Variants in WWOX observed in about 807,000 individuals in gnomAD.
WWOX encodes the protein WW domain containing oxidoreductase.
A neutral mutation model predicts 46.2 loss-of-function variants in WWOX; 69 were observed. The ratio of observed to expected loss-of-function variants is 1.49; its 90% CI spans 1.23 to 1.82. WWOX has a LOEUF of 1.82. Ranked by LOEUF, WWOX falls within the 40% of genes most tolerant of loss-of-function variation. WWOX has a pLI of 0.00. For missense variants in WWOX, 919 were observed against 542.6 expected (o/e 1.69, Z -6.89); for synonymous variants, 359 against 202.6 (o/e 1.77, Z -6.56).
chr16:78,672,690 A>G lies in WWOX; in HGVS notation c.1056+239938A>G, dbSNP rs181570476. On this transcript the variant is annotated intron_variant, in intron 8 of 8. Transcript: ENST00000566780. ...TAAAAGTGATCGGATGAAATTTTAA[A>G]AACGGGAATGACCAAAAAGATTCCC... Among the ~76,000 whole-genome samples, 8 of 152,348 alleles carry G rather than the reference A, an allele frequency of 5.3e-5. No homozygotes were observed. The East Asian group carries it at 1.3e-3, about 26-fold the overall frequency.
Position 79,021,705 on chromosome 16 carries a change from C to G in WWOX, c.1057-189903C>G, listed in dbSNP as rs117332610. ...GTGCATTGCCTAAATGACAGTAATG[C>G]TAAACTCCAGTCAGATGTTAGTGAA... On this transcript the variant is annotated intron_variant, in intron 8 of 8. Coordinates refer to ENST00000566780, the MANE Select transcript of WWOX (RefSeq NM_016373.4). Among the ~76,000 whole-genome samples, 27 of 152,294 alleles carry G rather than the reference C, an allele frequency of 1.8e-4. No homozygotes were observed. In the East Asian group the frequency reaches 3.7e-3, roughly 21 times the overall value.
chr16:78,408,544 T>C (rs2082601655), intron 6 of WWOX, among the ~76,000 whole-genome samples: 1 of 152,174 alleles, frequency 6.6e-6, no homozygotes, highest in Non-Finnish European at 1.5e-5. Flanking sequence ...CTAGCTGAGC[T>C]AAGGAGCAGA....
At chr16:78,452,240 A>T (rs2083707529) in intron 8 of WWOX, among the ~76,000 whole-genome samples, 1 of 152,206 alleles carries the variant, frequency 6.6e-6, no homozygotes, top group Admixed American at 6.5e-5. Context: ...GAGATTGCGT[A>T]ACACCCTTTG....
chr16:78,638,350 C>T (rs2046624290), intron 8 of WWOX, among the ~76,000 whole-genome samples: 2 of 152,122 alleles, frequency 1.3e-5, no homozygotes, highest in South Asian at 4.1e-4. Flanking sequence ...TATTCAGTTG[C>T]CCAGCTCTTT....
chr16:78,927,071 T>C (rs2045515181), intron 8 of WWOX, among the ~76,000 whole-genome samples: 1 of 152,194 alleles, frequency 6.6e-6, no homozygotes, highest in Non-Finnish European at 1.5e-5. Flanking sequence ...GCTGGAATTA[T>C]AGGCATGAGC....
intron 8 of WWOX, among the ~76,000 whole-genome samples, chr16:78,542,113 C>G (rs146396564): frequency 3.4e-5 from 5 of 145,830 alleles, no homozygotes; most frequent in Admixed American, 1.4e-4. Context: ...AGTAATACTT[C>G]TTGGAGAAAC....
At chr16:78,515,632 G>A (rs1045152320) in intron 8 of WWOX, among the ~76,000 whole-genome samples, 1 of 152,144 alleles carries the variant, frequency 6.6e-6, no homozygotes, top group Non-Finnish European at 1.5e-5. Context: ...AGGTGAGATG[G>A]AAAGCTTCCG....
chr16:78,729,524 A>G (rs952540916), intron 8 of WWOX, among the ~76,000 whole-genome samples: 1 of 152,028 alleles, frequency 6.6e-6, no homozygotes, highest in African/African-American at 2.4e-5. Flanking sequence ...TGCAAAGATA[A>G]AGGCAGAGGG....
At chr16:78,100,406 C>G (rs1424422752) in intron 1 of WWOX, among the ~76,000 whole-genome samples, 2 of 152,152 alleles carry the variant, frequency 1.3e-5, no homozygotes, top group Non-Finnish European at 2.9e-5. Context: ...GCGTGCACTA[C>G]TATGCCCGAC....
At chr16:78,581,798 C>T (rs867332355) in intron 8 of WWOX, among the ~76,000 whole-genome samples, 13 of 152,126 alleles carry the variant, frequency 8.5e-5, no homozygotes, top group Non-Finnish European at 1.8e-4. Flanking sequence ...CAAAAGTTTT[C>T]CCCATACCAA....
At chr16:78,264,609 G>T (rs2079321320) in intron 5 of WWOX, 1 of 152,312 alleles carries the variant, frequency 6.6e-6, no homozygotes, top group Non-Finnish European at 1.5e-5. Context: ...GCAGAGGGGT[G>T]ATAAGCAAGA....
At chr16:79,088,945 G>C (rs758755591) in intron 8 of WWOX, among the ~76,000 whole-genome samples, 3 of 151,814 alleles carry the variant, frequency 2.0e-5, no homozygotes, top group Non-Finnish European at 4.4e-5. Flanking sequence ...TATTTTTTTT[G>C]TCTTAATGTT....
chr16:78,496,193 C>A (rs1199531796), intron 8 of WWOX: 1 of 152,212 alleles, frequency 6.6e-6, no homozygotes, highest in Non-Finnish European at 1.5e-5. Flanking sequence ...CTCCCCATCA[C>A]TCCTGACTAC....
At chr16:78,434,027 G>C (rs2083283056) in intron 8 of WWOX, among the ~76,000 whole-genome samples, 2 of 152,032 alleles carry the variant, frequency 1.3e-5, no homozygotes, top group African/African-American at 4.8e-5. Context: ...CTGACCTCGT[G>C]ATCCGCCCGC....
At chr16:78,450,913 T>A (rs1206828615) in intron 8 of WWOX, among the ~76,000 whole-genome samples, 2 of 152,188 alleles carry the variant, frequency 1.3e-5, no homozygotes, top group Non-Finnish European at 2.9e-5. Context: ...ACAATACAAT[T>A]TTCTTCTGCT....
At chr16:78,722,000 G>T (rs149858702) in intron 8 of WWOX, among the ~76,000 whole-genome samples, 1 of 152,260 alleles carries the variant, frequency 6.6e-6, no homozygotes, top group East Asian at 1.9e-4. Context: ...TAGCATCCAG[G>T]CACTTTCTTT....
intron 8 of WWOX, among the ~76,000 whole-genome samples, chr16:79,022,424 C>T (rs769210045): frequency 3.2e-4 from 48 of 150,700 alleles, no homozygotes; most frequent in Non-Finnish European, 4.6e-4. Context: ...ATGCCCCAGT[C>T]GCTAGTAAAT....
At chr16:78,147,133 C>T (rs1005825841) in intron 4 of WWOX, among the ~76,000 whole-genome samples, 4 of 150,880 alleles carry the variant, frequency 2.7e-5, no homozygotes, top group African/African-American at 9.8e-5. Context: ...GATCTGGTTA[C>T]ATAGATTATC....
intron 8 of WWOX, among the ~76,000 whole-genome samples, chr16:79,128,636 C>G (rs2049811080): frequency 6.6e-6 from 1 of 152,074 alleles, no homozygotes; most frequent in Non-Finnish European, 1.5e-5. Context: ...GCATTTATTT[C>G]CAAAGAATGA....
Sources: gnomAD v4.1 joint callset for allele counts (sites outside exome capture counted in the v4.1 genomes callset) on GRCh38, gnomAD v4.1.1 for gene constraint, MANE v1.5 for transcripts, NCBI Gene and HGNC (gene_info 2026-07-23, HGNC 2026-07-21) for gene names.